DLGAP1: variants seen among roughly 807,000 people sequenced by gnomAD.
DLGAP1 encodes DLG associated protein 1.
DLGAP1 carries 11 observed loss-of-function variants against 90.8 expected under a neutral mutation model. The observed-to-expected ratio is 0.12, with a 90% CI of 0.08 to 0.20. The LOEUF is 0.20. DLGAP1 is among the 10% of genes least tolerant of loss of function. The pLI is 1.00. For synonymous variants in DLGAP1, 558 were observed against 540.7 expected, an observed-to-expected ratio of 1.03 and a Z score of -0.44; for missense variants, 1,050 against 1,333.8, an observed-to-expected ratio of 0.79 and a Z score of 3.31.
Position 3,582,163 on chromosome 18 carries a change from G to A in DLGAP1, c.1677C>T (p.Ala559=), listed in dbSNP as rs1206664248. 6.2e-7 allele frequency: 1 copy of A among 1,614,090 alleles called. No homozygotes were observed. Among genetic ancestry groups the A allele is most frequent in the Admixed American group, 1.7e-5 (1 of 59,992 alleles). The change falls in exon 8 of 13, where the codon GCC becomes GCT. Residue 559 remains alanine, a synonymous_variant. Coordinates refer to ENST00000315677, the MANE Select transcript of DLGAP1 (RefSeq NM_004746.4). ...TTTKPFISIT[A]QSSTESAQDA... ...CCTGGGCTGACTCTGTGCTACTCTG[G>A]GCTGTGATAGAAATGAAAGGTTTCG...
chr18:4,033,416 C>T (rs1397215170), intron 2 of DLGAP1, among the ~76,000 whole-genome samples: 2 of 152,104 alleles, frequency 1.3e-5, no homozygotes, highest in African/African-American at 4.8e-5. Flanking sequence ...ATTTAGTTTT[C>T]TCCCATTGAT....
At chr18:4,204,525 GT>G (rs201782312) in intron 1 of DLGAP1, among the ~76,000 whole-genome samples, 3,469 of 147,712 alleles carry the variant, frequency 0.023, 60 homozygotes, top group Middle Eastern at 0.069. Context: ...TTTTGTTTTT[GT>G]TTTTTTTTCT....
intron 1 of DLGAP1, among the ~76,000 whole-genome samples, chr18:4,234,649 G>A (rs1001461437): frequency 2.0e-5 from 3 of 152,022 alleles, no homozygotes; most frequent in African/African-American, 7.2e-5. Flanking sequence ...ACACTTCTTT[G>A]AATCATATTT....
At chr18:3,955,760 AC>A (rs1311536133) in intron 3 of DLGAP1, among the ~76,000 whole-genome samples, 23 of 152,252 alleles carry the variant, frequency 1.5e-4, no homozygotes, top group African/African-American at 4.6e-4. Flanking sequence ...TATAAAAGAC[AC>A]CCAATTGAAC....
chr18:4,427,341 G>A (rs1212532406), intron 1 of DLGAP1, among the ~76,000 whole-genome samples: 1 of 152,168 alleles, frequency 6.6e-6, no homozygotes, highest in African/African-American at 2.4e-5. Flanking sequence ...CAAAGGATGG[G>A]ACTTGGAGGG....
At chr18:4,028,102 CAA>C (rs561853862) in intron 2 of DLGAP1, among the ~76,000 whole-genome samples, 1 of 152,134 alleles carries the variant, frequency 6.6e-6, no homozygotes, top group Non-Finnish European at 1.5e-5. Flanking sequence ...GAAACAAACC[CAA>C]GATTGTCAAG....
intron 7 of DLGAP1, among the ~76,000 whole-genome samples, chr18:3,664,957 CTG>C (rs1190879482): frequency 6.6e-6 from 1 of 152,182 alleles, no homozygotes; most frequent in African/African-American, 2.4e-5. Context: ...CTGGGAAAGA[CTG>C]TGACTTAATA....
intron 9 of DLGAP1, among the ~76,000 whole-genome samples, chr18:3,557,348 C>T (rs759545774): frequency 3.0e-4 from 45 of 152,078 alleles, no homozygotes; most frequent in Non-Finnish European, 5.6e-4. Flanking sequence ...GGTGAAACTC[C>T]GTCTCTACTA....
chr18:4,188,171 C>T (rs1048506111), intron 1 of DLGAP1, among the ~76,000 whole-genome samples: 8 of 151,808 alleles, frequency 5.3e-5, no homozygotes, highest in South Asian at 2.1e-4. Context: ...TTTGTATTTC[C>T]GTGCTCTAAT....
Position 3,729,394 on chromosome 18 carries a change from G to A in DLGAP1, c.1351-19C>T, listed in dbSNP as rs778189081. 1.3e-5 allele frequency: 21 copies of A among 1,600,020 alleles called. No homozygotes were observed. Among genetic ancestry groups the A allele is most frequent in the Non-Finnish European group, 1.7e-5 (20 of 1,169,378 alleles). ...CGCTCACCTGCGGGCAGACACAGGC[G>A]TTGTGACACTCGCCTCCACCTGGTG... On this transcript the variant is annotated intron_variant, in intron 6 of 12. Transcript: ENST00000315677. The surrounding 1 kb of genome is among the most constrained non-coding windows in gnomAD (Gnocchi z 6.2).
At chr18:3,977,434 G>GTTTTTTTTTTTTTT (rs58599574) in intron 3 of DLGAP1, among the ~76,000 whole-genome samples, 62 of 95,326 alleles carry the variant, frequency 6.5e-4, no homozygotes, top group African/African-American at 1.3e-3. Context: ...TTTATTCTGT[G>GTTTTTTTTTTTTTT]TTTTTTTTTT....
intron 2 of DLGAP1, among the ~76,000 whole-genome samples, chr18:4,095,104 T>C (rs1170967381): frequency 1.3e-5 from 2 of 152,158 alleles, no homozygotes; most frequent in South Asian, 2.1e-4. Flanking sequence ...ACCTGAGATA[T>C]CTTCCTGAGA....
chr18:3,874,876 A>T, intron 4 of DLGAP1: 2 of 889,088 alleles, frequency 2.2e-6, no homozygotes, highest in Non-Finnish European at 3.1e-6. Flanking sequence ...CTCATAATAC[A>T]ATTGACCGTA....
chr18:4,052,572 G>A (rs949127843), intron 2 of DLGAP1, among the ~76,000 whole-genome samples: 9 of 152,216 alleles, frequency 5.9e-5, no homozygotes, highest in Non-Finnish European at 1.0e-4. Context: ...GGCCTGTGAC[G>A]GGAGGGACTG....
chr18:3,949,869 C>G (rs1231956170), intron 3 of DLGAP1, among the ~76,000 whole-genome samples: 1 of 152,024 alleles, frequency 6.6e-6, no homozygotes. Flanking sequence ...TATTGAAGAC[C>G]ACCTGTCTAC....
intron 6 of DLGAP1, among the ~76,000 whole-genome samples, chr18:3,741,058 TCACCACCAC>T (rs1430015496): frequency 1.2e-4 from 3 of 25,892 alleles, no homozygotes; most frequent in Non-Finnish European, 1.4e-4. Flanking sequence ...ACCACCACCA[TCACCACCAC>T]CACCACCACC....
At chr18:4,396,191 G>C (rs2082435908) in intron 1 of DLGAP1, among the ~76,000 whole-genome samples, 1 of 152,200 alleles carries the variant, frequency 6.6e-6, no homozygotes, top group Non-Finnish European at 1.5e-5. Flanking sequence ...AGGAAGAAAA[G>C]TGTAAAGAAA....
At chr18:3,756,169 C>T (rs145430068) in intron 5 of DLGAP1, among the ~76,000 whole-genome samples, 2,934 of 152,170 alleles carry the variant, frequency 0.019, 50 homozygotes, top group Middle Eastern at 0.088. Context: ...CCTGCCTCAG[C>T]CTCCCGAGTA....
intron 3 of DLGAP1, chr18:3,995,272 ATGAC>A (rs1167653106): frequency 6.6e-6 from 1 of 152,164 alleles, no homozygotes; most frequent in Non-Finnish European, 1.5e-5. Context: ...TATTCTTAAA[ATGAC>A]TGTGCTGCAA....
Sources: allele counts gnomAD v4.1 joint callset (sites outside exome capture counted in the v4.1 genomes callset), GRCh38; gene constraint gnomAD v4.1.1; non-coding constraint Gnocchi (gnomAD v3.1); transcripts MANE v1.5; gene names NCBI Gene and HGNC (gene_info 2026-07-23, HGNC 2026-07-21).